The following LIN28A variants were observed in gnomAD, a reference collection of about 807,000 sequenced individuals.
LIN28A encodes lin-28 RNA binding posttranscriptional regulator A, also known as protein lin-28 homolog A.
Under a neutral mutation model 21.1 loss-of-function variants are expected in LIN28A, and 11 were observed. That is an observed-to-expected ratio of 0.52 (90% CI 0.33 to 0.86). The LOEUF (loss-of-function observed/expected upper bound fraction) is 0.86. Among genes scored for constraint, LIN28A ranks in the 40% least tolerant of loss-of-function variants. The pLI, the probability that LIN28A is intolerant of heterozygous loss-of-function variation, is 0.03. For missense variants in LIN28A, 219 were observed against 279.8 expected (o/e 0.78, Z 1.55); for synonymous variants, 111 against 108.7 (o/e 1.02, Z -0.13).
At chr1:26,416,872 G>A (rs1240842003) in intron 2 of LIN28A, among the ~76,000 whole-genome samples, 10 of 152,032 alleles carry the variant, frequency 6.6e-5, no homozygotes, top group Admixed American at 3.9e-4. Flanking sequence ...CGCCTGCCTC[G>A]GCCTCCCAAA....
In LIN28A at chr1:26,411,701, G is replaced by C; in HGVS notation, c.228+119G>C. On this transcript the variant is annotated intron_variant, in intron 2 of 3. Transcript: ENST00000326279. This position sits in a 1 kb window ranked among gnomAD's most constrained non-coding sequence, Gnocchi z 5.4. ...TCGGGAGCCCTCATTATGCATCCCT[G>C]TCTTTGCTTCGGCACCCCAATTCTG... 2.0e-6 allele frequency: 2 copies of C among 1,014,216 alleles called. No homozygotes were observed. Among genetic ancestry groups the C allele is most frequent in the Non-Finnish European group, 3.0e-6 (2 of 677,184 alleles). The allele number at this position is 1,014,216 out of a possible 1,614,324, so 62.8% of individuals were successfully genotyped here. A position where few individuals can be genotyped will look rare whatever the true frequency, so the allele number is the denominator to read the frequency against.
At chr1:26,419,200 G>A (rs367819584) in intron 2 of LIN28A, among the ~76,000 whole-genome samples, 19 of 151,638 alleles carry the variant, frequency 1.3e-4, no homozygotes, top group African/African-American at 1.7e-4. Context: ...GGGGCTGCAC[G>A]CTGATTACCT....
In LIN28A at chr1:26,426,674, G is replaced by C; in HGVS notation, c.*216G>C. ...CTGTCCAAATGCAAGTGAGGGTTCT[G>C]GGGGCAACCAGGAGGGGGGAATCAC... On this transcript the variant is annotated 3_prime_UTR_variant, in exon 4 of 4. Coordinates refer to ENST00000326279, the MANE Select transcript of LIN28A (RefSeq NM_024674.6). 1.8e-6 allele frequency: 1 copy of C among 544,332 alleles called. No individual in the cohort carries two copies. The highest frequency in any genetic ancestry group is 3.4e-6 in the Non-Finnish European group (1 of 297,792). 33.7% of individuals were successfully genotyped at this position (544,332 alleles called of 1,614,324 possible). A position where few individuals can be genotyped will look rare whatever the true frequency, so the allele number is the denominator to read the frequency against.
chr1:26,410,912 G>A lies in LIN28A; in HGVS notation c.21G>A (p.Gln7=). MGSVSN[Q]QFAGGCAKAA... ...CGACCATGGGCTCCGTGTCCAACCA[G>A]CAGTTTGCAGGTTCGAGCTCGGGAC... The change falls in exon 1 of 4, where the codon CAG becomes CAA. Residue 7 remains glutamine, a synonymous_variant. Coordinates refer to ENST00000326279, the MANE Select transcript of LIN28A (RefSeq NM_024674.6). The A allele has an allele frequency of 6.2e-7, 1 of 1,607,092 alleles. No homozygotes were observed. Among genetic ancestry groups the A allele is most frequent in the East Asian group, 2.2e-5 (1 of 44,672 alleles).
chr1:26,415,758 T>C (rs2074989448), intron 2 of LIN28A, among the ~76,000 whole-genome samples: 1 of 152,184 alleles, frequency 6.6e-6, no homozygotes, highest in South Asian at 2.1e-4. Context: ...TATGGGTAGA[T>C]CACCACTCGG....
At chr1:26,423,413 C>CTTTTTTTTTTTTTTTTTTTTTTTTTT (rs1202952934) in intron 2 of LIN28A, among the ~76,000 whole-genome samples, 3 of 78,822 alleles carry the variant, frequency 3.8e-5, no homozygotes, top group East Asian at 4.6e-4. Flanking sequence ...TTTTCTTTTT[C>CTTTTTTTTTTTTTTTTTTTTTTTTTT]TTTTTTTTTT....
In LIN28A at chr1:26,425,484, A is replaced by G. The variant is rs756307549; in HGVS notation, c.410A>G (p.Asp137Gly). 3 of 1,613,818 alleles carry G rather than the reference A, an allele frequency of 1.9e-6. No homozygotes were observed. The South Asian group carries it at 3.3e-5, about 18-fold the overall frequency. Residue 137 changes from aspartate to glycine, a missense_variant, in exon 3 of 4, where the codon GAC becomes GGC. Physicochemically the swap from Asp to Gly is moderately conservative, Grantham distance 94. This residue lies in a region of LIN28A where 124 missense variants were observed against 193.1 expected (regional missense o/e 0.64). Transcript: ENST00000326279. ...ATGCAGAAGCGCAGATCAAAAGGAG[A>G]CAGGTATGGATTGGAAGGCAGCTTA... ...KSMQKRRSKG[D>G]RCYNCGGLDH...
Position 26,426,571 on chromosome 1 carries a change from A to C in LIN28A, c.*113A>C. ...GCTAGTTGGCACTGCCATGTATCTCAGGCTTGGGTTCACACCATCACCCTT... is the reference window on the plus strand; with the variant it reads ...GCTAGTTGGCACTGCCATGTATCTCCGGCTTGGGTTCACACCATCACCCTT... On this transcript the variant is annotated 3_prime_UTR_variant, in exon 4 of 4. Transcript: ENST00000326279. The C allele has an allele frequency of 1.0e-4, 80 of 784,608 alleles. No individual in the cohort carries two copies. The highest frequency in any genetic ancestry group is 1.6e-4 in the Non-Finnish European group (75 of 465,356). The allele number at this position is 784,608 out of a possible 1,614,324, so 48.6% of individuals were successfully genotyped here.
chr1:26,427,737 C>G lies in LIN28A; in HGVS notation c.*1279C>G, dbSNP rs2075068133. ...CTAAGGATAAGTTTAAAGACCAATA[C>G]CCCTGTACTTAATCCTGTGCTGTCG... is the stretch of plus-strand genomic sequence containing the variant. On this transcript the variant is annotated 3_prime_UTR_variant, in exon 4 of 4. Transcript: ENST00000326279. The G allele has an allele frequency of 6.6e-6, 1 of 152,190 alleles. No individual in the cohort carries two copies. Among genetic ancestry groups the G allele is most frequent in the African/African-American group, 2.4e-5 (1 of 41,416 alleles). 9.4% of individuals were successfully genotyped at this position (152,190 alleles called of 1,614,324 possible).
chr1:26,421,301 C>A (rs960919179), intron 2 of LIN28A, among the ~76,000 whole-genome samples: 2 of 152,100 alleles, frequency 1.3e-5, no homozygotes, highest in Non-Finnish European at 2.9e-5. Context: ...AAAGACTTTA[C>A]GTTGTTCTTA....
intron 2 of LIN28A, among the ~76,000 whole-genome samples, chr1:26,422,010 C>T (rs201262929): frequency 1.4e-5 from 2 of 142,864 alleles, no homozygotes; most frequent in Non-Finnish European, 3.0e-5. Context: ...GAATATTTAT[C>T]TTTTTTTTTT....
In LIN28A at chr1:26,424,576, T is replaced by C. The variant is rs142958481; in HGVS notation, c.229-727T>C. Among the ~76,000 whole-genome samples, 289 of 152,274 alleles carry C rather than the reference T, an allele frequency of 1.9e-3. 1 individual carries two copies. The highest frequency in any genetic ancestry group is 6.2e-3 in the African/African-American group (258 of 41,546). Reference sequence around the variant, plus strand: ...CCCAGCTATTTTTACTTTTATTTTATTTATTTATTTTTGAGACGAAGTCTT... The same window carrying C: ...CCCAGCTATTTTTACTTTTATTTTACTTATTTATTTTTGAGACGAAGTCTT... On this transcript the variant is annotated intron_variant, in intron 2 of 3. Coordinates refer to ENST00000326279, the MANE Select transcript of LIN28A (RefSeq NM_024674.6).
At position 26,411,319 on chromosome 1, in the gene LIN28A, C is replaced by T. The variant is rs991833093; in HGVS notation, c.32-67C>T. 2.1e-6 allele frequency: 3 copies of T among 1,425,874 alleles called. No homozygotes were observed. The Admixed American group carries it at 8.1e-5, about 39-fold the overall frequency. 88.3% of individuals were successfully genotyped at this position (1,425,874 alleles called of 1,614,324 possible). On this transcript the variant is annotated intron_variant, in intron 1 of 3. Coordinates refer to ENST00000326279, the MANE Select transcript of LIN28A (RefSeq NM_024674.6). This position sits in a 1 kb window ranked among gnomAD's most constrained non-coding sequence, Gnocchi z 5.4. ...GGGCTGGATACTCGGGTCTCCCTGC[C>T]TGGGGCCCGAGACGGCCCTCCGATT...
rs1557760458 is a variant in LIN28A, at chr1:26,413,817, G to GTTGC, written c.228+2237_228+2238insGCTT. Among the ~76,000 whole-genome samples the GTTGC allele has an allele frequency of 1.6e-4, 16 of 102,028 alleles. 1 individual carries two copies. Among genetic ancestry groups the GTTGC allele is most frequent in the Non-Finnish European group, 2.2e-4 (10 of 45,324 alleles). 66.9% of individuals were successfully genotyped at this position (102,028 alleles called of 152,430 possible). On this transcript the variant is annotated intron_variant, in intron 2 of 3. Transcript: ENST00000326279. ...TGTTTTTTTGTTTGTTTGTTTGTTT[G>GTTGC]TTTGTTGCTTTTTTTTTTTTTTTTT...
At position 26,411,492 on chromosome 1, in the gene LIN28A, G is replaced by T. The variant is rs748920816; in HGVS notation, c.138G>T (p.Trp46Cys). ...TGCACGGTGCGGGCATCTGTAAGTG[G>T]TTCAACGTGCGCATGGGGTTCGGCT... The part of the protein sequence containing the change: ...QLLHGAGICK[W>C]FNVRMGFGFL... Residue 46 changes from tryptophan to cysteine, a missense_variant, in exon 2 of 4, where the codon TGG becomes TGT. Physicochemically the swap from Trp to Cys is radical, Grantham distance 215. Around this residue, in one of 3 missense-constraint regions of LIN28A, gnomAD observed 124 missense variants for 193.1 expected, o/e 0.64. Coordinates refer to ENST00000326279, the MANE Select transcript of LIN28A (RefSeq NM_024674.6). The surrounding 1 kb of genome is among the most constrained non-coding windows in gnomAD (Gnocchi z 5.4). 1 of 1,614,120 alleles carries T rather than the reference G, an allele frequency of 6.2e-7. No homozygotes were observed. The highest frequency in any genetic ancestry group is 8.5e-7 in the Non-Finnish European group (1 of 1,179,996).
chr1:26,419,496 G>A (rs1295461123), intron 2 of LIN28A, among the ~76,000 whole-genome samples: 1 of 152,074 alleles, frequency 6.6e-6, no homozygotes, highest in Non-Finnish European at 1.5e-5. Context: ...CAGTCAACTG[G>A]GGCTTAGAGA....
At chr1:26,421,159 TTTTTC>T (rs765932086) in intron 2 of LIN28A, among the ~76,000 whole-genome samples, 90 of 152,316 alleles carry the variant, frequency 5.9e-4, no homozygotes, top group Middle Eastern at 6.8e-3. Flanking sequence ...TGCTTTTTGT[TTTTTC>T]TTTTAACAAT....
intron 2 of LIN28A, among the ~76,000 whole-genome samples, chr1:26,418,512 C>T (rs1437548858): frequency 6.6e-6 from 1 of 151,018 alleles, no homozygotes; most frequent in East Asian, 1.9e-4. Context: ...TGCCACTGCA[C>T]TCCGGCCTGG....
intron 2 of LIN28A, among the ~76,000 whole-genome samples, chr1:26,415,286 A>C (rs2074986408): frequency 6.6e-6 from 1 of 152,136 alleles, no homozygotes; most frequent in Non-Finnish European, 1.5e-5. Context: ...GCCATGAGTG[A>C]GGAGGTGGTA....
Sources: allele counts gnomAD v4.1 joint callset (sites outside exome capture counted in the v4.1 genomes callset), GRCh38; gene constraint gnomAD v4.1.1; regional missense constraint gnomAD v4.1.1; non-coding constraint Gnocchi (gnomAD v3.1); transcripts MANE v1.5; gene names NCBI Gene and HGNC (gene_info 2026-07-23, HGNC 2026-07-21).